The following TCF4 variants were observed in gnomAD, a reference collection of about 807,000 sequenced individuals.
TCF4 encodes the protein transcription factor 4, also known as SL3-3 enhancer factor 2.
A neutral mutation model predicts 82.1 loss-of-function variants in TCF4; 3 were observed. That is an observed-to-expected ratio of 0.04 (90% confidence interval 0.02 to 0.09). The LOEUF (loss-of-function observed/expected upper bound fraction) is 0.09. Ranked by LOEUF, TCF4 falls within the 10% of genes least tolerant of loss-of-function variation. The pLI is 1.00. For missense variants in TCF4, 518 were observed against 852.7 expected, an observed-to-expected ratio of 0.61 and a Z score of 4.89; for synonymous variants, 276 against 309.6, an observed-to-expected ratio of 0.89 and a Z score of 1.14.
chr18:55,286,227 T>C (rs1176156613), intron 8 of TCF4, among the ~76,000 whole-genome samples: 1 of 151,702 alleles, frequency 6.6e-6, no homozygotes, highest in Non-Finnish European at 1.5e-5. Flanking sequence ...ATACTGATAA[T>C]TGTAATTATC....
chr18:55,596,655 G>A (rs1417053094), intron 2 of TCF4, among the ~76,000 whole-genome samples: 5 of 152,080 alleles, frequency 3.3e-5, no homozygotes, highest in South Asian at 4.1e-4. Flanking sequence ...AGAAGAACAC[G>A]TTTCTTTAAT....
At chr18:55,473,393 C>A (rs2096228134) in intron 3 of TCF4, among the ~76,000 whole-genome samples, 1 of 152,116 alleles carries the variant, frequency 6.6e-6, no homozygotes, top group African/African-American at 2.4e-5. Flanking sequence ...ATCTACTTCT[C>A]CTGTTTGTTT....
At chr18:55,449,710 T>C (rs1299246373) in intron 5 of TCF4, among the ~76,000 whole-genome samples, 2 of 152,146 alleles carry the variant, frequency 1.3e-5, no homozygotes, top group Non-Finnish European at 2.9e-5. Context: ...AGCTAGAAAA[T>C]CTTACTTTGT....
At chr18:55,307,723 A>C (rs1234042251) in intron 8 of TCF4, among the ~76,000 whole-genome samples, 1 of 152,232 alleles carries the variant, frequency 6.6e-6, no homozygotes, top group African/African-American at 2.4e-5. Context: ...TGCACAGCAC[A>C]CAAATGCTTC....
At chr18:55,333,238 C>T (rs2147804489) in intron 8 of TCF4, among the ~76,000 whole-genome samples, 1 of 152,174 alleles carries the variant, frequency 6.6e-6, no homozygotes, top group South Asian at 2.1e-4. Flanking sequence ...TCCTAATTTT[C>T]AGATACTTGT....
chr18:55,391,622 A>G (rs985264547), intron 6 of TCF4, among the ~76,000 whole-genome samples: 6 of 152,020 alleles, frequency 3.9e-5, no homozygotes, highest in African/African-American at 1.4e-4. Flanking sequence ...GACTTGAATC[A>G]ACATTCCTAT....
chr18:55,313,199 A>G (rs1272603801), intron 8 of TCF4, among the ~76,000 whole-genome samples: 5 of 152,184 alleles, frequency 3.3e-5, no homozygotes, highest in Non-Finnish European at 7.4e-5. Context: ...ATGTTTAATT[A>G]TGGAAGTATT....
intron 3 of TCF4, among the ~76,000 whole-genome samples, chr18:55,498,565 A>G (rs548581651): frequency 6.6e-6 from 1 of 152,326 alleles, no homozygotes; most frequent in East Asian, 1.9e-4. Context: ...TCGCCATAAG[A>G]TACGGAAAAA....
chr18:55,372,878 G>A (rs1458311686), intron 6 of TCF4, among the ~76,000 whole-genome samples: 1 of 152,046 alleles, frequency 6.6e-6, no homozygotes, highest in Non-Finnish European at 1.5e-5. Flanking sequence ...ACACCAAACA[G>A]ATTTAGACTT....
At chr18:55,526,226 C>T (rs1168665320) in intron 3 of TCF4, among the ~76,000 whole-genome samples, 1 of 152,206 alleles carries the variant, frequency 6.6e-6, no homozygotes, top group Non-Finnish European at 1.5e-5. Context: ...CTGCTCACAT[C>T]ACACTTGCCT....
rs541693184 is a variant in TCF4, at chr18:55,227,832, TTTTC to T, written c.*199_*202del. ...GAAAGTCGTCCCTCAAGTTGCACTT[TTTTC>T]TTTCTTTTTTTTGTTTTTCTGTTTT... On this transcript the variant is annotated 3_prime_UTR_variant, in exon 20 of 20. Coordinates refer to ENST00000354452, the MANE Select transcript of TCF4 (RefSeq NM_001083962.2). 5.8e-5 allele frequency: 14 copies of T among 243,024 alleles called. No individual in the cohort carries two copies. The highest frequency in any genetic ancestry group is 3.5e-4 in the South Asian group (7 of 19,874). The allele number at this position is 243,024 out of a possible 1,614,324, so 15.1% of individuals were successfully genotyped here. A position where few individuals can be genotyped will look rare whatever the true frequency, so the allele number is the denominator to read the frequency against.
chr18:55,559,040 CT>C (rs2097331404), intron 3 of TCF4, among the ~76,000 whole-genome samples: 1 of 129,026 alleles, frequency 7.8e-6, no homozygotes, highest in Non-Finnish European at 1.7e-5. Context: ...TATCTCCCCC[CT>C]AAAAAAAAAA....
At chr18:55,533,708 A>G (rs537870317) in intron 3 of TCF4, among the ~76,000 whole-genome samples, 30 of 152,348 alleles carry the variant, frequency 2.0e-4, no homozygotes, top group Admixed American at 1.3e-3. Flanking sequence ...AAAACAGTAC[A>G]ACACAAGTTT....
intron 6 of TCF4, among the ~76,000 whole-genome samples, chr18:55,399,829 TTCTCTCTCTCTCTCTCTCTCCCCA>T (rs1319804907): frequency 1.2e-5 from 1 of 80,774 alleles, no homozygotes; most frequent in Non-Finnish European, 2.8e-5. Context: ...GCAGCTTTCT[TTCTCTCTCTCTCTCTCTCTCCCCA>T]TCTCTCTCTC....
intron 8 of TCF4, chr18:55,321,487 G>C (rs1407958698): frequency 1.1e-6 from 1 of 901,218 alleles, no homozygotes; most frequent in Non-Finnish European, 1.7e-6. Context: ...GGGAAAAAAA[G>C]ACGAAGGAGA....
At chr18:55,417,020 A>T (rs2094548039) in intron 5 of TCF4, among the ~76,000 whole-genome samples, 1 of 152,220 alleles carries the variant, frequency 6.6e-6, no homozygotes, top group Admixed American at 6.5e-5. Flanking sequence ...ATATCTGACA[A>T]GTTAAATGTT....
At position 55,362,373 on chromosome 18, in the gene TCF4, GGAAGGAAGGAAGGAAGGAAA is replaced by G. The variant is rs1181491804; in HGVS notation, c.370-11390_370-11371del. Among the ~76,000 whole-genome samples the G allele has an allele frequency of 1.4e-3, 130 of 92,544 alleles. 1 individual carries two copies. The highest frequency in any genetic ancestry group is 5.7e-3 in the African/African-American group (115 of 20,056). The allele number at this position is 92,544 out of a possible 152,430, so 60.7% of individuals were successfully genotyped here. A position where few individuals can be genotyped will look rare whatever the true frequency, so the allele number is the denominator to read the frequency against. ...AGGAAGGAAGGAAGGAAGGAAGGAA[GGAAGGAAGGAAGGAAGGAAA>G]GAAGGAAGGAAGGAAGGAAGGAAGG... On this transcript the variant is annotated intron_variant, in intron 6 of 19. Transcript: ENST00000354452.
chr18:55,372,600 C>T (rs1190359766), intron 6 of TCF4, among the ~76,000 whole-genome samples: 2 of 151,926 alleles, frequency 1.3e-5, no homozygotes, highest in Admixed American at 6.6e-5. Flanking sequence ...TTTATACCCC[C>T]ACACTTCTGA....
intron 3 of TCF4, among the ~76,000 whole-genome samples, chr18:55,499,370 A>G (rs1289861169): frequency 6.6e-6 from 1 of 152,240 alleles, no homozygotes; most frequent in Non-Finnish European, 1.5e-5. Flanking sequence ...CAGGGTACCA[A>G]TAAATGTGAA....
Sources: gnomAD v4.1 joint callset for allele counts (sites outside exome capture counted in the v4.1 genomes callset) on GRCh38, gnomAD v4.1.1 for gene constraint, MANE v1.5 for transcripts, NCBI Gene and HGNC (gene_info 2026-07-23, HGNC 2026-07-21) for gene names.